Variants in PCDHGA12 observed in about 807,000 individuals in gnomAD.
PCDHGA12 encodes protocadherin gamma subfamily A, 12, also known as protocadherin gamma-A12.
In PCDHGA12, 43 loss-of-function variants were observed where a neutral mutation model predicts 61.1. The observed-to-expected ratio is 0.70, with a 90% confidence interval of 0.55 to 0.91. PCDHGA12 has a LOEUF of 0.91. Among genes scored for constraint, PCDHGA12 ranks in the 40% least tolerant of loss-of-function variants. The probability of loss-of-function intolerance (pLI) is 0.00; values close to 1 mark genes in which losing one functional copy is unlikely to be tolerated. For synonymous variants in PCDHGA12, 520 were observed against 542.9 expected, an observed-to-expected ratio of 0.96 and a Z score of 0.59; for missense variants, 1,236 against 1,227.7, an observed-to-expected ratio of 1.01 and a Z score of -0.10.
At chr5:141,508,096 G>A (rs1489615862) in intron 3 of PCDHGA12, 1 of 152,476 alleles carries the variant, frequency 6.6e-6, no homozygotes, top group African/African-American at 2.4e-5. Context: ...CCTTGGCCCT[G>A]GGATGGGGTA....
Position 141,430,837 on chromosome 5 carries a change from CG to C in PCDHGA12, c.80del (p.Gly27AspfsTer51). ...TCCTCCTGGGGACTCTGTGGGAGACCGGATGCACCCAGATACGCTATTCAGT... is the reference window on the plus strand; with the variant it reads ...TCCTCCTGGGGACTCTGTGGGAGACCGATGCACCCAGATACGCTATTCAGT... ...GILLGTLWET[G>X]CTQIRYSVPE... On this transcript the variant is annotated frameshift_variant, in exon 1 of 4. Coordinates refer to ENST00000252085, the MANE Select transcript of PCDHGA12 (RefSeq NM_003735.3). LOFTEE classifies it high-confidence loss of function. 6.4e-7 allele frequency: 1 copy of C among 1,560,074 alleles called. No homozygotes were observed. Among genetic ancestry groups the C allele is most frequent in the African/African-American group, 1.4e-5 (1 of 73,028 alleles).
intron 1 of PCDHGA12, chr5:141,478,860 A>C: frequency 1.9e-5 from 25 of 1,331,544 alleles, no homozygotes; most frequent in Middle Eastern, 2.6e-4. Context: ...ACAAGATCTC[A>C]GCGATCAGAG....
chr5:141,447,299 C>A (rs543731556), intron 1 of PCDHGA12, among the ~76,000 whole-genome samples: 38 of 152,102 alleles, frequency 2.5e-4, no homozygotes, highest in Middle Eastern at 6.8e-3. Context: ...GCCACCACAC[C>A]CGGCTAATTT....
chr5:141,486,522 A>G lies in PCDHGA12; in HGVS notation c.2425-8285A>G. 1 of 1,614,174 alleles carries G rather than the reference A, an allele frequency of 6.2e-7. No homozygotes were observed. Among genetic ancestry groups the G allele is most frequent in the Non-Finnish European group, 8.5e-7 (1 of 1,180,024 alleles). On this transcript the variant is annotated intron_variant, in intron 1 of 3. Transcript: ENST00000252085. The surrounding 1 kb of genome is among the most constrained non-coding windows in gnomAD (Gnocchi z 5.0). The stretch of plus-strand genomic sequence containing the variant: ...TTCCTCAATATTTCAGATGTGAATG[A>G]TAATCCACCCTCTTTCTTTCAGAGG...
At position 141,491,711 on chromosome 5, in the gene PCDHGA12, C is replaced by T. The variant is rs528931820; in HGVS notation, c.2425-3096C>T. 1.5e-5 allele frequency: 24 copies of T among 1,609,240 alleles called. No homozygotes were observed. In the African/African-American group the frequency reaches 1.7e-4, roughly 12 times the overall value. On this transcript the variant is annotated intron_variant, in intron 1 of 3. Transcript: ENST00000252085. This position sits in a 1 kb window ranked among gnomAD's most constrained non-coding sequence, Gnocchi z 6.9. ...CGGGAGCGGAGCCAGGTGAGGGGCT[C>T]GGCGCCGCCCCGGGCGACCCCTGGG... is the stretch of plus-strand genomic sequence containing the variant.
chr5:141,477,260 G>A lies in PCDHGA12; in HGVS notation c.2425-17547G>A. On this transcript the variant is annotated intron_variant, in intron 1 of 3. Coordinates refer to ENST00000252085, the MANE Select transcript of PCDHGA12 (RefSeq NM_003735.3). This position sits in a 1 kb window ranked among gnomAD's most constrained non-coding sequence, Gnocchi z 4.9. ...GCTCAGTGTGACTGACCTGGATGCTGGCGAGAACGGGCTGGTGACCTGCGA... is the reference window on the plus strand; with the variant it reads ...GCTCAGTGTGACTGACCTGGATGCTAGCGAGAACGGGCTGGTGACCTGCGA... 6.2e-7 allele frequency: 1 copy of A among 1,614,200 alleles called. No homozygotes were observed. Among genetic ancestry groups the A allele is most frequent in the Non-Finnish European group, 8.5e-7 (1 of 1,180,048 alleles).
In PCDHGA12 at chr5:141,431,538, A is replaced by G; in HGVS notation, c.779A>G (p.Gln260Arg). ...SVPENLALGT[Q>R]LLVVNATDPD... ...CCGGAGAATCTGGCCTTGGGCACGC[A>G]GCTGCTTGTAGTCAACGCTACCGAC... is the stretch of plus-strand genomic sequence containing the variant. Residue 260 changes from glutamine to arginine, a missense_variant, in exon 1 of 4, where the codon CAG becomes CGG. Physicochemically the swap from Gln to Arg is conservative, Grantham distance 43. Transcript: ENST00000252085. The surrounding 1 kb of genome is among the most constrained non-coding windows in gnomAD (Gnocchi z 4.8). The G allele has an allele frequency of 6.2e-7, 1 of 1,614,114 alleles. No individual in the cohort carries two copies. Among genetic ancestry groups the G allele is most frequent in the Non-Finnish European group, 8.5e-7 (1 of 1,180,024 alleles).
chr5:141,437,262 G>A (rs1490690532), intron 1 of PCDHGA12, among the ~76,000 whole-genome samples: 1 of 152,152 alleles, frequency 6.6e-6, no homozygotes, highest in Non-Finnish European at 1.5e-5. Flanking sequence ...CTTTTTATGT[G>A]TATGACAGAT....
chr5:141,491,742 C>T lies in PCDHGA12; in HGVS notation c.2425-3065C>T. On this transcript the variant is annotated intron_variant, in intron 1 of 3. Transcript: ENST00000252085. This position sits in a 1 kb window ranked among gnomAD's most constrained non-coding sequence, Gnocchi z 6.9. ...CGCCCCGGGCGACCCCTGGGGGCGG[C>T]ACTGGAGAAGCCGCCCGTCCTCATA... 6.3e-7 allele frequency: 1 copy of T among 1,596,114 alleles called. No individual in the cohort carries two copies. Among genetic ancestry groups the T allele is most frequent in the African/African-American group, 1.3e-5 (1 of 74,260 alleles).
chr5:141,501,290 T>TACACACAC (rs55762287), intron 2 of PCDHGA12, among the ~76,000 whole-genome samples: 94 of 136,244 alleles, frequency 6.9e-4, no homozygotes, highest in Admixed American at 2.2e-3. Context: ...TATTCCCTTA[T>TACACACAC]ACACACACAC....
Position 141,487,070 on chromosome 5 carries a change from C to A in PCDHGA12, c.2425-7737C>A, listed in dbSNP as rs1365482479. The A allele has an allele frequency of 6.2e-7, 1 of 1,614,036 alleles. No individual in the cohort carries two copies. The highest frequency in any genetic ancestry group is 8.5e-7 in the Non-Finnish European group (1 of 1,180,016). ...TGCTGGGGAGGTGCGGACGGCTGTT[C>A]CTATCCCAGCTGACCTCCCACCACA... is the stretch of plus-strand genomic sequence containing the variant. On this transcript the variant is annotated intron_variant, in intron 1 of 3. Coordinates refer to ENST00000252085, the MANE Select transcript of PCDHGA12 (RefSeq NM_003735.3). The surrounding 1 kb of genome is among the most constrained non-coding windows in gnomAD (Gnocchi z 5.0).
chr5:141,433,044 A>T lies in PCDHGA12; in HGVS notation c.2285A>T (p.Asp762Val). The T allele has an allele frequency of 1.2e-6, 2 of 1,613,972 alleles. No homozygotes were observed. The highest frequency in any genetic ancestry group is 8.5e-7 in the Non-Finnish European group (1 of 1,179,984). ...TYSHEVSLTT[D>V]SRKSHLIFPQ... The stretch of plus-strand genomic sequence containing the variant: ...TCCCACGAGGTTTCCCTCACCACGG[A>T]CTCGCGGAAGAGTCACCTGATCTTC... The change falls in exon 1 of 4, where the codon GAC becomes GTC. Residue 762 changes from aspartate to valine, a missense_variant. Asp to Val is a radical substitution (Grantham distance 152, BLOSUM62 -3). Coordinates refer to ENST00000252085, the MANE Select transcript of PCDHGA12 (RefSeq NM_003735.3).
chr5:141,448,323 A>G (rs2098582223), intron 1 of PCDHGA12, among the ~76,000 whole-genome samples: 1 of 152,080 alleles, frequency 6.6e-6, no homozygotes, highest in Non-Finnish European at 1.5e-5. Flanking sequence ...TTTTCTTTGA[A>G]TCTTTATAGC....
At chr5:141,442,033 G>T (rs2098292928) in intron 1 of PCDHGA12, 1 of 209,534 alleles carries the variant, frequency 4.8e-6, no homozygotes, top group Non-Finnish European at 9.8e-6. Context: ...AAAGCGACTC[G>T]CCAGCGCCTA....
rs548074156 is a variant in PCDHGA12 at position 141,511,069 on chromosome 5, G to A, written c.2695G>A (p.Gly899Ser). The A allele has an allele frequency of 6.2e-7, 1 of 1,614,230 alleles. No individual in the cohort carries two copies. Among genetic ancestry groups the A allele is most frequent in the Non-Finnish European group, 8.5e-7 (1 of 1,180,034 alleles). ...CTACCGCCAGAATGTCTACATCCCA[G>A]GCAGCAATGCCACACTGACCAACGC... ...PDYRQNVYIP[G>S]SNATLTNAAG... The change falls in exon 4 of 4, where the codon GGC becomes AGC. Residue 899 changes from glycine (G) to serine (S), a missense_variant. Physicochemically the swap from Gly to Ser is moderately conservative, Grantham distance 56 (BLOSUM62 0). Transcript: ENST00000252085.
chr5:141,445,545 A>G (rs1422837499), intron 1 of PCDHGA12, among the ~76,000 whole-genome samples: 2 of 152,256 alleles, frequency 1.3e-5, no homozygotes, highest in Non-Finnish European at 2.9e-5. Context: ...AAGGAGAAAT[A>G]CAAAAGCACT....
rs568314069 is a variant in PCDHGA12 at position 141,486,371 on chromosome 5, G to C, written c.2425-8436G>C. 53 of 1,614,138 alleles carry C rather than the reference G, an allele frequency of 3.3e-5. 2 individuals are homozygous for C. The South Asian group carries it at 5.3e-4, about 16-fold the overall frequency. Reference sequence around the variant, plus strand: ...CCACTTGCCATTTGCCCTCAAGTCTGCCTTCAGGAACCAGTTCTCCCTGGT... The same window carrying C: ...CCACTTGCCATTTGCCCTCAAGTCTCCCTTCAGGAACCAGTTCTCCCTGGT... On this transcript the variant is annotated intron_variant, in intron 1 of 3. Transcript: ENST00000252085. The surrounding 1 kb of genome is among the most constrained non-coding windows in gnomAD (Gnocchi z 5.0).
Position 141,477,584 on chromosome 5 carries a change from G to A in PCDHGA12, c.2425-17223G>A. 5 of 1,614,148 alleles carry A rather than the reference G, an allele frequency of 3.1e-6. No homozygotes were observed. Among genetic ancestry groups the A allele is most frequent in the Non-Finnish European group, 4.2e-6 (5 of 1,180,032 alleles). On this transcript the variant is annotated intron_variant, in intron 1 of 3. Coordinates refer to ENST00000252085, the MANE Select transcript of PCDHGA12 (RefSeq NM_003735.3). This position sits in a 1 kb window ranked among gnomAD's most constrained non-coding sequence, Gnocchi z 4.9. ...CTGGGACCCCGACGCCCCGCAGAAT[G>A]CTCGGCTTTCTTTCTTTCTCTTGGA...
At chr5:141,445,207 AAAGT>A (rs1322618652) in intron 1 of PCDHGA12, among the ~76,000 whole-genome samples, 1 of 152,196 alleles carries the variant, frequency 6.6e-6, no homozygotes, top group Non-Finnish European at 1.5e-5. Flanking sequence ...ATGCTTTTGA[AAAGT>A]AAGAGGTGCA....
Sources: allele counts gnomAD v4.1 joint callset (sites outside exome capture counted in the v4.1 genomes callset), GRCh38; gene constraint gnomAD v4.1.1; non-coding constraint Gnocchi (gnomAD v3.1); transcripts MANE v1.5; gene names NCBI Gene and HGNC (gene_info 2026-07-23, HGNC 2026-07-21).